The following DLG1 variants were observed in gnomAD, a reference collection of about 807,000 sequenced individuals.
DLG1 encodes the protein disks large homolog 1.
Under a neutral mutation model 123.4 loss-of-function variants are expected in DLG1, and 42 were observed. The ratio of observed to expected loss-of-function variants is 0.34; its 90% CI spans 0.27 to 0.44. The LOEUF (loss-of-function observed/expected upper bound fraction) is 0.44. Among genes scored for constraint, DLG1 ranks in the 20% least tolerant of loss-of-function variants. The pLI, the probability that DLG1 is intolerant of heterozygous loss-of-function variation, is 1.00. For missense variants in DLG1, 942 were observed against 1,082.6 expected, an observed-to-expected ratio of 0.87 and a Z score of 1.82; for synonymous variants, 317 against 356.2, an observed-to-expected ratio of 0.89 and a Z score of 1.24.
At chr3:197,269,814 A>T (rs1379139263) in intron 4 of DLG1, among the ~76,000 whole-genome samples, 2 of 152,220 alleles carry the variant, frequency 1.3e-5, no homozygotes, top group Non-Finnish European at 2.9e-5. Context: ...AAACTATGCT[A>T]TTTGAAAAAT....
At chr3:197,229,643 T>C (rs866710020) in intron 4 of DLG1, among the ~76,000 whole-genome samples, 8 of 152,160 alleles carry the variant, frequency 5.3e-5, no homozygotes, top group Non-Finnish European at 1.0e-4. Context: ...TATAAATACT[T>C]AGATAACAAA....
At chr3:197,297,592 G>A in intron 1 of DLG1, 1 of 1,020,208 alleles carries the variant, frequency 9.8e-7, no homozygotes, top group Non-Finnish European at 1.2e-6. Flanking sequence ...TGGCCCCTGA[G>A]CCAGCAGCGG....
chr3:197,288,362 C>CAAAAA (rs1290725400), intron 3 of DLG1, among the ~76,000 whole-genome samples: 56 of 43,884 alleles, frequency 1.3e-3, no homozygotes, highest in African/African-American at 2.3e-3. Flanking sequence ...GACTCCGTCT[C>CAAAAA]AAAAAAAAAA....
intron 5 of DLG1, among the ~76,000 whole-genome samples, chr3:197,192,671 TTTA>T (rs1720263223): frequency 6.6e-6 from 1 of 152,136 alleles, no homozygotes. Flanking sequence ...GTAACTTATA[TTTA>T]CATATACACA....
At chr3:197,231,589 TA>T (rs1392109186) in intron 4 of DLG1, among the ~76,000 whole-genome samples, 9 of 151,610 alleles carry the variant, frequency 5.9e-5, no homozygotes, top group African/African-American at 2.2e-4. Context: ...TAGTCCCAGC[TA>T]CTCGGGGGGC....
At position 197,125,849 on chromosome 3, in the gene DLG1, T is replaced by C. The variant is rs77684346; in HGVS notation, c.1165+4678A>G. On this transcript the variant is annotated intron_variant, in intron 11 of 24. Transcript: ENST00000667157. ...CCTTCGCACTAAAGTCTTCAGTGAC[T>C]ACAGCCAGACTGATGAAGAGAACAC... Among the ~76,000 whole-genome samples the C allele has an allele frequency of 2.6e-5, 4 of 152,274 alleles. No individual in the cohort carries two copies. The East Asian group carries it at 7.7e-4, about 29-fold the overall frequency.
intron 4 of DLG1, among the ~76,000 whole-genome samples, chr3:197,203,273 T>C (rs941517713): frequency 3.3e-5 from 5 of 152,070 alleles, no homozygotes; most frequent in African/African-American, 9.7e-5. Context: ...CAAAATAAAG[T>C]AAGTAAAATT....
At chr3:197,245,075 C>T (rs533514458) in intron 4 of DLG1, among the ~76,000 whole-genome samples, 157 of 152,204 alleles carry the variant, frequency 1.0e-3, no homozygotes, top group African/African-American at 3.7e-3. Context: ...CCATGATAAT[C>T]GAGTTTTTAA....
intron 4 of DLG1, among the ~76,000 whole-genome samples, chr3:197,238,373 T>A (rs1299516816): frequency 6.6e-6 from 1 of 151,984 alleles, no homozygotes. Flanking sequence ...ATATAAAAAA[T>A]TAATGAACAA....
At chr3:197,259,638 C>T (rs1358125410) in intron 4 of DLG1, among the ~76,000 whole-genome samples, 2 of 152,120 alleles carry the variant, frequency 1.3e-5, no homozygotes, top group African/African-American at 4.8e-5. Flanking sequence ...CACCATCACA[C>T]AATGTCTGCA....
intron 16 of DLG1, among the ~76,000 whole-genome samples, chr3:197,082,579 T>A (rs1751824723): frequency 6.6e-6 from 1 of 152,202 alleles, no homozygotes; most frequent in Non-Finnish European, 1.5e-5. Flanking sequence ...TTAAATTGTC[T>A]ATATTTGTAA....
chr3:197,120,205 G>T (rs184912877), intron 11 of DLG1, among the ~76,000 whole-genome samples: 238 of 150,662 alleles, frequency 1.6e-3, no homozygotes, highest in Non-Finnish European at 2.5e-3. Flanking sequence ...AGGTTGCAGT[G>T]AGCCGAGATC....
chr3:197,228,950 G>A (rs1741393495), intron 4 of DLG1, among the ~76,000 whole-genome samples: 1 of 152,142 alleles, frequency 6.6e-6, no homozygotes, highest in African/African-American at 2.4e-5. Context: ...TACGTTCAAT[G>A]CTGTATAGAG....
chr3:197,072,692 A>AC (rs1744774444), intron 18 of DLG1, among the ~76,000 whole-genome samples: 1 of 151,314 alleles, frequency 6.6e-6, no homozygotes, highest in African/African-American at 2.4e-5. Flanking sequence ...AAAAAAAAAA[A>AC]AACAAAAAAA....
rs1778257815 is a variant in DLG1, at chr3:197,297,833, G to T, written c.-31-598C>A. 5.1e-6 allele frequency: 5 copies of T among 985,194 alleles called. No individual in the cohort carries two copies. The South Asian group carries it at 2.3e-4, about 46-fold the overall frequency. The allele number at this position is 985,194 out of a possible 1,614,324, so 61.0% of individuals were successfully genotyped here. A position where few individuals can be genotyped will look rare whatever the true frequency, so the allele number is the denominator to read the frequency against. ...GGTGAGCGGCGTGCGCTCGGAACTGGGGTGCGCCCCGGCCAGACTCGGAGC... is the reference window on the plus strand; with the variant it reads ...GGTGAGCGGCGTGCGCTCGGAACTGTGGTGCGCCCCGGCCAGACTCGGAGC... On this transcript the variant is annotated intron_variant, in intron 1 of 24. Coordinates refer to ENST00000667157, the MANE Select transcript of DLG1 (RefSeq NM_001366207.1).
chr3:197,242,291 AT>A (rs1242476634), intron 4 of DLG1, among the ~76,000 whole-genome samples: 16 of 151,970 alleles, frequency 1.1e-4, no homozygotes, highest in Non-Finnish European at 1.5e-4. Flanking sequence ...CCAAGTATAT[AT>A]AAAAAAATTA....
intron 11 of DLG1, 34 bp from the exon 12 acceptor site, chr3:197,119,564 C>G: frequency 6.3e-7 from 1 of 1,576,058 alleles, no homozygotes; most frequent in Non-Finnish European, 8.6e-7. Context: ...ATACTTCAAA[C>G]ACGAAACAAG....
chr3:197,226,416 A>G (rs1739970548), intron 4 of DLG1: 1 of 152,210 alleles, frequency 6.6e-6, no homozygotes, highest in Non-Finnish European at 1.5e-5. Context: ...GGGAGGGGCA[A>G]AGATGTTGCA....
At chr3:197,296,777 TCAGATTACCTGATAATG>T (rs1175272795) in intron 2 of DLG1, 4 of 346,650 alleles carry the variant, frequency 1.2e-5, no homozygotes, top group Non-Finnish European at 2.0e-5. Flanking sequence ...AGCAACAGTT[TCAGATTACCTGATAATG>T]CAAAAGCAGA....
Sources: gnomAD v4.1 joint callset for allele counts (sites outside exome capture counted in the v4.1 genomes callset) on GRCh38, gnomAD v4.1.1 for gene constraint, MANE v1.5 for transcripts, NCBI Gene and HGNC (gene_info 2026-07-23, HGNC 2026-07-21) for gene names.